SLC35F1: variants seen among roughly 807,000 people sequenced by gnomAD.
The protein encoded by SLC35F1 is chromosome 6 open reading frame 169.
Under a neutral mutation model 48.7 loss-of-function variants are expected in SLC35F1, and 14 were observed. The ratio of observed to expected loss-of-function variants is 0.29; its 90% CI spans 0.19 to 0.45. SLC35F1 has a LOEUF of 0.45. Ranked by LOEUF, SLC35F1 falls within the 20% of genes least tolerant of loss-of-function variation. The pLI is 1.00. For synonymous variants in SLC35F1, 190 were observed against 202.2 expected (o/e 0.94, Z 0.51); for missense variants, 404 against 500.0 (o/e 0.81, Z 1.83).
At chr6:118,229,206 A>G (rs1016071863) in intron 2 of SLC35F1, among the ~76,000 whole-genome samples, 2 of 152,130 alleles carry the variant, frequency 1.3e-5, no homozygotes, top group Non-Finnish European at 2.9e-5. Context: ...GTAGTCGAGC[A>G]TATGACGATT....
intron 2 of SLC35F1, among the ~76,000 whole-genome samples, chr6:118,158,573 T>G (rs538484614): frequency 1.3e-5 from 2 of 152,348 alleles, no homozygotes; most frequent in East Asian, 3.9e-4. Flanking sequence ...CTTCTAAAAT[T>G]TAATGATTGT....
At chr6:118,237,742 A>G (rs567978703) in intron 3 of SLC35F1, among the ~76,000 whole-genome samples, 16 of 152,312 alleles carry the variant, frequency 1.1e-4, no homozygotes, top group African/African-American at 3.8e-4. Context: ...TCACCTCTCC[A>G]TACAATAAAG....
intron 1 of SLC35F1, among the ~76,000 whole-genome samples, chr6:118,077,155 T>A (rs13209070): frequency 2.0e-5 from 3 of 152,114 alleles, no homozygotes; most frequent in Non-Finnish European, 4.4e-5. Flanking sequence ...CAGACAACAA[T>A]ACTAGCAAGA....
Position 118,256,205 on chromosome 6 carries a change from G to GGTGT in SLC35F1, c.478-10744_478-10741dup, listed in dbSNP as rs71554895. On this transcript the variant is annotated intron_variant, in intron 3 of 7. Coordinates refer to ENST00000360388, the MANE Select transcript of SLC35F1 (RefSeq NM_001029858.4). Reference sequence around the variant, plus strand: ...GCCTGTCAGCTTAAAGAAGACTTCTGGTGTGTGTGTGTGTGTGTGTGTGTG... The same window carrying GGTGT: ...GCCTGTCAGCTTAAAGAAGACTTCTGGTGTGTGTGTGTGTGTGTGTGTGTGTGTG... Among the ~76,000 whole-genome samples, 1,130 of 143,164 alleles carry GGTGT rather than the reference G, an allele frequency of 7.9e-3. 5 individuals are homozygous for GGTGT. The highest frequency in any genetic ancestry group is 0.016 in the African/African-American group (612 of 37,392). 93.9% of individuals were successfully genotyped at this position (143,164 alleles called of 152,430 possible). A position where few individuals can be genotyped will look rare whatever the true frequency, so the allele number is the denominator to read the frequency against.
chr6:117,983,040 A>G (rs968196623), intron 1 of SLC35F1, among the ~76,000 whole-genome samples: 3 of 152,114 alleles, frequency 2.0e-5, no homozygotes, highest in African/African-American at 7.2e-5. Context: ...TTTAAATTTC[A>G]CCTATTTCTC....
intron 1 of SLC35F1, among the ~76,000 whole-genome samples, chr6:117,908,804 C>CT (rs1031201270): frequency 6.6e-6 from 1 of 152,132 alleles, no homozygotes; most frequent in Admixed American, 6.5e-5. Context: ...GTTTTGTGTT[C>CT]TTTTTTGTTT....
intron 1 of SLC35F1, among the ~76,000 whole-genome samples, chr6:118,133,347 CT>C (rs1447500757): frequency 6.6e-6 from 1 of 152,022 alleles, no homozygotes; most frequent in African/African-American, 2.4e-5. Flanking sequence ...GACTGAGAAG[CT>C]TTTTCAAAAT....
At chr6:118,205,410 A>G (rs976255236) in intron 2 of SLC35F1, among the ~76,000 whole-genome samples, 1 of 152,242 alleles carries the variant, frequency 6.6e-6, no homozygotes, top group African/African-American at 2.4e-5. Context: ...TTTCTCTAAC[A>G]TTGTTGGTCA....
At chr6:117,953,658 A>T (rs2114829362) in intron 1 of SLC35F1, among the ~76,000 whole-genome samples, 1 of 152,362 alleles carries the variant, frequency 6.6e-6, no homozygotes, top group South Asian at 2.1e-4. Flanking sequence ...GGACCAGAAC[A>T]GTAGGCCAAA....
chr6:118,080,600 G>T (rs551070309), intron 1 of SLC35F1, among the ~76,000 whole-genome samples: 2 of 152,346 alleles, frequency 1.3e-5, no homozygotes, highest in East Asian at 3.9e-4. Context: ...TGATGGCTTT[G>T]CTGTGACCTT....
At chr6:118,156,336 A>ACATGTG (rs199948140) in intron 2 of SLC35F1, among the ~76,000 whole-genome samples, 2,951 of 152,280 alleles carry the variant, frequency 0.019, 92 homozygotes, top group African/African-American at 0.063. Context: ...GGGCCTGAGA[A>ACATGTG]CATGTGCCCA....
intron 1 of SLC35F1, among the ~76,000 whole-genome samples, chr6:117,957,538 A>G (rs1776442513): frequency 6.6e-6 from 1 of 152,214 alleles, no homozygotes; most frequent in South Asian, 2.1e-4. Context: ...ATTTATTGAG[A>G]AATATGGAAG....
chr6:118,083,756 A>G (rs1772945386), intron 1 of SLC35F1, among the ~76,000 whole-genome samples: 1 of 152,244 alleles, frequency 6.6e-6, no homozygotes, highest in Non-Finnish European at 1.5e-5. Context: ...CAGATGAACA[A>G]TAATTTGCCC....
At chr6:118,273,267 A>C (rs1775881206) in intron 4 of SLC35F1, among the ~76,000 whole-genome samples, 3 of 152,194 alleles carry the variant, frequency 2.0e-5, no homozygotes, top group African/African-American at 7.2e-5. Flanking sequence ...TGGTGAGACT[A>C]TTCACTGAAA....
intron 1 of SLC35F1, among the ~76,000 whole-genome samples, chr6:118,126,236 G>A (rs1006032524): frequency 6.6e-6 from 1 of 152,022 alleles, no homozygotes. Flanking sequence ...AGGATTAGAT[G>A]GATTAATTCA....
intron 2 of SLC35F1, among the ~76,000 whole-genome samples, chr6:118,166,580 C>T (rs1205512914): frequency 6.6e-6 from 1 of 152,130 alleles, no homozygotes; most frequent in African/African-American, 2.4e-5. Flanking sequence ...AAGAACTCAC[C>T]TTCTAAAAAT....
intron 1 of SLC35F1, chr6:117,999,515 C>G (rs9398469): frequency 4.9e-6 from 5 of 1,020,514 alleles, no homozygotes; most frequent in Non-Finnish European, 5.8e-6. Context: ...GGGCTATCAT[C>G]TGCATGGGGC....
chr6:118,288,895 C>T (rs1776083701), intron 7 of SLC35F1, among the ~76,000 whole-genome samples: 1 of 152,142 alleles, frequency 6.6e-6, no homozygotes, highest in South Asian at 2.1e-4. Context: ...AAAAAAACCC[C>T]ACAAAACGGT....
At chr6:117,979,507 A>C (rs899606188) in intron 1 of SLC35F1, among the ~76,000 whole-genome samples, 4 of 152,228 alleles carry the variant, frequency 2.6e-5, no homozygotes, top group Non-Finnish European at 5.9e-5. Context: ...CCTAACCTGC[A>C]TCTAGAAAAT....
Sources: gnomAD v4.1 joint callset for allele counts (sites outside exome capture counted in the v4.1 genomes callset) on GRCh38, gnomAD v4.1.1 for gene constraint, MANE v1.5 for transcripts, NCBI Gene and HGNC (gene_info 2026-07-23, HGNC 2026-07-21) for gene names.